DPYD: variants seen among roughly 807,000 people sequenced by gnomAD.
DPYD encodes dihydropyrimidine dehydrogenase.
DPYD carries 109 observed loss-of-function variants against 116.2 expected under a neutral mutation model. That is an observed-to-expected ratio of 0.94 (90% CI 0.80 to 1.10). The LOEUF (loss-of-function observed/expected upper bound fraction) is 1.10, where lower values mean the gene tolerates loss of function less well. Among genes scored for constraint, DPYD ranks in the 50% least tolerant of loss-of-function variants. The pLI is 0.00. For missense variants in DPYD, 1,302 were observed against 1,254.5 expected, an observed-to-expected ratio of 1.04 and a Z score of -0.57; for synonymous variants, 440 against 432.0, an observed-to-expected ratio of 1.02 and a Z score of -0.23.
intron 20 of DPYD, among the ~76,000 whole-genome samples, chr1:97,121,074 A>G (rs1652393945): frequency 6.6e-6 from 1 of 152,170 alleles, no homozygotes; most frequent in Non-Finnish European, 1.5e-5. Flanking sequence ...AGAATAAGCC[A>G]GGGATAGAAA....
rs187386360 is a variant in DPYD at position 97,335,496 on chromosome 1, G to A, written c.2059-29199C>T. Among the ~76,000 whole-genome samples, 74 of 152,214 alleles carry A rather than the reference G, an allele frequency of 4.9e-4. 1 individual carries two copies. Among genetic ancestry groups the A allele is most frequent in the Non-Finnish European group, 8.4e-4 (57 of 68,020 alleles). On this transcript the variant is annotated intron_variant, in intron 16 of 22. Coordinates refer to ENST00000370192, the MANE Select transcript of DPYD (RefSeq NM_000110.4). ...TTCCTTAGAAATTTTTTAAAACAGGGTGTGAAGGTGGAATCTATTTAGATA... is the reference window on the plus strand; with the variant it reads ...TTCCTTAGAAATTTTTTAAAACAGGATGTGAAGGTGGAATCTATTTAGATA...
intron 18 of DPYD, among the ~76,000 whole-genome samples, chr1:97,290,237 T>C (rs1050164990): frequency 2.0e-5 from 3 of 152,092 alleles, no homozygotes; most frequent in African/African-American, 7.2e-5. Context: ...GAAGAATCAA[T>C]ATCGTGAAAA....
intron 3 of DPYD, among the ~76,000 whole-genome samples, chr1:97,749,410 G>C (rs1288951685): frequency 6.6e-6 from 1 of 152,112 alleles, no homozygotes; most frequent in Non-Finnish European, 1.5e-5. Flanking sequence ...CATATGAATT[G>C]ACTAGGCAAA....
At chr1:97,749,595 T>G (rs543878185) in intron 3 of DPYD, among the ~76,000 whole-genome samples, 15 of 152,328 alleles carry the variant, frequency 9.8e-5, no homozygotes, top group Admixed American at 8.5e-4. Flanking sequence ...TTTACATAAA[T>G]GCAACCACAT....
intron 11 of DPYD, among the ~76,000 whole-genome samples, chr1:97,565,014 A>G (rs1220599503): frequency 6.6e-6 from 1 of 152,096 alleles, no homozygotes; most frequent in Non-Finnish European, 1.5e-5. Flanking sequence ...TGAATCTGGA[A>G]GAAGAAATAA....
At chr1:97,495,119 T>C (rs1388826726) in intron 13 of DPYD, among the ~76,000 whole-genome samples, 1 of 152,158 alleles carries the variant, frequency 6.6e-6, no homozygotes, top group African/African-American at 2.4e-5. Context: ...TGTTAAGGCT[T>C]CTGTTATTGT....
At chr1:97,623,870 T>C (rs910285783) in intron 8 of DPYD, among the ~76,000 whole-genome samples, 1 of 151,926 alleles carries the variant, frequency 6.6e-6, no homozygotes. Context: ...GTGCCAAGAA[T>C]AAGCAATGGG....
At chr1:97,708,929 A>C (rs1662133186) in intron 5 of DPYD, among the ~76,000 whole-genome samples, 1 of 151,916 alleles carries the variant, frequency 6.6e-6, no homozygotes, top group Non-Finnish European at 1.5e-5. Context: ...TTCAAATTCT[A>C]ATCATTTATT....
intron 2 of DPYD, among the ~76,000 whole-genome samples, chr1:97,857,073 T>C (rs897646384): frequency 5.9e-5 from 9 of 152,182 alleles, no homozygotes; most frequent in African/African-American, 2.2e-4. Context: ...TCCCAGAAAC[T>C]TGCCTTGCCC....
chr1:97,134,014 A>AT (rs1557883271), intron 20 of DPYD, among the ~76,000 whole-genome samples: 1 of 18,810 alleles, frequency 5.3e-5, no homozygotes, highest in Non-Finnish European at 9.5e-5. Flanking sequence ...AAAAAAAAAA[A>AT]ATATATATAT....
intron 8 of DPYD, among the ~76,000 whole-genome samples, chr1:97,629,108 T>C (rs2100789319): frequency 2.6e-5 from 4 of 152,174 alleles, no homozygotes; most frequent in Admixed American, 2.6e-4. Context: ...AAATAAGTCA[T>C]TTATTTGATT....
intron 12 of DPYD, among the ~76,000 whole-genome samples, chr1:97,525,757 T>TCA (rs1557772638): frequency 1.8e-5 from 1 of 54,214 alleles, no homozygotes; most frequent in African/African-American, 6.8e-5. Context: ...CCCTGGGTAA[T>TCA]TAGAGAGAGA....
chr1:97,185,636 C>CAA (rs1386411841), intron 20 of DPYD, among the ~76,000 whole-genome samples: 1 of 151,974 alleles, frequency 6.6e-6, no homozygotes, highest in Non-Finnish European at 1.5e-5. Flanking sequence ...TATTTACCAA[C>CAA]AAAAATGAAC....
At chr1:97,920,536 G>A (rs1327640244) in intron 1 of DPYD, among the ~76,000 whole-genome samples, 1 of 152,154 alleles carries the variant, frequency 6.6e-6, no homozygotes, top group African/African-American at 2.4e-5. Context: ...TGGGAAATGG[G>A]CACTCCTACC....
intron 8 of DPYD, among the ~76,000 whole-genome samples, chr1:97,654,173 C>T (rs918040943): frequency 6.6e-6 from 1 of 152,298 alleles, no homozygotes; most frequent in Non-Finnish European, 1.5e-5. Flanking sequence ...TATAAATATA[C>T]ACTGTCCTGC....
rs144693838 is a variant in DPYD, at chr1:97,441,609, T to C, written c.1905+8450A>G. ...TTTTTGAACATAAGGAATATAATTA[T>C]AACAGCTTTATTGTACTTGTCTGCT... On this transcript the variant is annotated intron_variant, in intron 14 of 22. Coordinates refer to ENST00000370192, the MANE Select transcript of DPYD (RefSeq NM_000110.4). Among the ~76,000 whole-genome samples, 586 of 152,294 alleles carry C rather than the reference T, an allele frequency of 3.8e-3. 1 individual carries two copies. Among genetic ancestry groups the C allele is most frequent in the African/African-American group, 0.012 (514 of 41,570 alleles).
chr1:97,921,049 G>C (rs989829928), upstream of DPYD: 4 of 1,248,284 alleles, frequency 3.2e-6, no homozygotes, highest in Admixed American at 2.2e-5. Flanking sequence ...CCGGCGGCGC[G>C]GGGGCGGAGC....
In DPYD at chr1:97,724,298, GGGGGGGGGGGTGTGTGTGTGTGTGT is replaced by G. The variant is rs1245689270; in HGVS notation, c.322-2652_322-2628del. On this transcript the variant is annotated intron_variant, in intron 4 of 22. Transcript: ENST00000370192. ...CAGAAAGAATAGGATGTATGTGGGG[GGGGGGGGGGGTGTGTGTGTGTGTGT>G]GTGTGTGTGTGTGTGTGTGTGTGTG... Among the ~76,000 whole-genome samples, 81 of 18,722 alleles carry G rather than the reference GGGGGGGGGGGTGTGTGTGTGTGTGT, an allele frequency of 4.3e-3. 2 individuals are homozygous for G. Among genetic ancestry groups the G allele is most frequent in the South Asian group, 0.04 (28 of 698 alleles). The allele number at this position is 18,722 out of a possible 152,430, so 12.3% of individuals were successfully genotyped here.
intron 13 of DPYD, among the ~76,000 whole-genome samples, chr1:97,474,381 C>A (rs1677833711): frequency 6.6e-6 from 1 of 152,056 alleles, no homozygotes; most frequent in South Asian, 2.1e-4. Flanking sequence ...GATATATTTA[C>A]AATTAGATAC....
Sources: gnomAD v4.1 joint callset for allele counts (sites outside exome capture counted in the v4.1 genomes callset) on GRCh38, gnomAD v4.1.1 for gene constraint, MANE v1.5 for transcripts, NCBI Gene and HGNC (gene_info 2026-07-23, HGNC 2026-07-21) for gene names.